Variants in PDSS1 observed in about 807,000 individuals in gnomAD.
PDSS1 encodes the protein decaprenyl diphosphate synthase subunit 1.
In PDSS1, 43 loss-of-function variants were observed where a neutral mutation model predicts 57.5. The observed-to-expected ratio is 0.75, with a 90% CI of 0.59 to 0.96. The LOEUF (loss-of-function observed/expected upper bound fraction) is 0.96, where lower values mean the gene tolerates loss of function less well. PDSS1 is among the 50% of genes least tolerant of loss of function. The pLI, the probability that PDSS1 is intolerant of heterozygous loss-of-function variation, is 0.00. For synonymous variants in PDSS1, 175 were observed against 191.3 expected, an observed-to-expected ratio of 0.91 and a Z score of 0.70; for missense variants, 438 against 527.8, an observed-to-expected ratio of 0.83 and a Z score of 1.67.
At chr10:26,734,298 C>T (rs1018116897) in intron 8 of PDSS1, among the ~76,000 whole-genome samples, 1 of 152,212 alleles carries the variant, frequency 6.6e-6, no homozygotes, top group Non-Finnish European at 1.5e-5. Context: ...CATCCGCGAG[C>T]CTTACAGAAA....
intron 5 of PDSS1, among the ~76,000 whole-genome samples, chr10:26,713,590 T>C (rs1410169053): frequency 3.9e-5 from 6 of 152,120 alleles, no homozygotes; most frequent in Non-Finnish European, 8.8e-5. Flanking sequence ...TTCTATGGCT[T>C]ACAGTTTATT....
chr10:26,734,169 C>T lies in PDSS1; in HGVS notation c.832-1071C>T, dbSNP rs561881974. On this transcript the variant is annotated intron_variant, in intron 8 of 11. Coordinates refer to ENST00000376215, the MANE Select transcript of PDSS1 (RefSeq NM_014317.5). ...GGTCTTGTAGAGGGCACAAATGCAGCCCCACAGTCTCACAGCAGAGCCCGC... is the reference window on the plus strand; with the variant it reads ...GGTCTTGTAGAGGGCACAAATGCAGTCCCACAGTCTCACAGCAGAGCCCGC... Among the ~76,000 whole-genome samples the T allele has an allele frequency of 2.6e-5, 4 of 152,328 alleles. No homozygotes were observed. In the South Asian group the frequency reaches 8.3e-4, roughly 32 times the overall value.
intron 8 of PDSS1, among the ~76,000 whole-genome samples, chr10:26,731,393 A>C (rs1050705267): frequency 2.6e-5 from 4 of 152,230 alleles, no homozygotes; most frequent in African/African-American, 9.6e-5. Flanking sequence ...CCTCTGTATC[A>C]GATCCCATTA....
intron 5 of PDSS1, chr10:26,715,701 C>A: frequency 6.6e-6 from 1 of 152,234 alleles, no homozygotes; most frequent in Non-Finnish European, 1.5e-5. Context: ...CTGGGCACTC[C>A]TACACTTTCC....
At chr10:26,735,855 T>G (rs766104505) in intron 10 of PDSS1, among the ~76,000 whole-genome samples, 10 of 152,308 alleles carry the variant, frequency 6.6e-5, no homozygotes, top group African/African-American at 9.6e-5. Flanking sequence ...TCTTTGTGTC[T>G]TGTGGTGTGC....
chr10:26,735,429 G>T (rs1836362487), intron 9 of PDSS1, 37 bp from the exon 10 acceptor site: 2 of 1,436,258 alleles, frequency 1.4e-6, no homozygotes, highest in Middle Eastern at 1.7e-4. Context: ...GTGTTGGCAT[G>T]GCGGTGCTCC....
intron 6 of PDSS1, among the ~76,000 whole-genome samples, chr10:26,723,149 A>C (rs1197422): frequency 6.6e-6 from 1 of 151,946 alleles, no homozygotes; most frequent in African/African-American, 2.4e-5. Context: ...TGGTCGCAGC[A>C]TGCATGGGTG....
chr10:26,723,167 C>T (rs11015250), intron 6 of PDSS1, among the ~76,000 whole-genome samples: 16,405 of 152,050 alleles, frequency 0.11, 1,013 homozygotes, highest in East Asian at 0.25. Context: ...GTGTTGTACA[C>T]GCACAAAAGG....
intron 10 of PDSS1, among the ~76,000 whole-genome samples, chr10:26,742,165 C>G (rs1378582312): frequency 6.6e-6 from 1 of 152,230 alleles, no homozygotes; most frequent in South Asian, 2.1e-4. Flanking sequence ...GCGTGTGCCA[C>G]CACGCCTGGC....
chr10:26,729,437 CAGAT>C (rs1836087860), intron 8 of PDSS1, among the ~76,000 whole-genome samples: 1 of 152,218 alleles, frequency 6.6e-6, no homozygotes, highest in Non-Finnish European at 1.5e-5. Context: ...AGGTATCAAA[CAGAT>C]AGTTCCAAAT....
chr10:26,703,596 T>C (rs1835112056), intron 2 of PDSS1, among the ~76,000 whole-genome samples: 1 of 152,066 alleles, frequency 6.6e-6, no homozygotes, highest in South Asian at 2.1e-4. Context: ...CTGAAAGACA[T>C]AGGTTGTCAT....
intron 5 of PDSS1, among the ~76,000 whole-genome samples, chr10:26,714,385 G>T (rs1835493586): frequency 6.6e-6 from 1 of 150,930 alleles, no homozygotes; most frequent in African/African-American, 2.4e-5. Context: ...TGGGGCAGGA[G>T]AATCGCTTGA....
Position 26,697,764 on chromosome 10 carries a change from C to T in PDSS1, c.53C>T (p.Ala18Val). 7.8e-7 allele frequency: 1 copy of T among 1,290,128 alleles called. No homozygotes were observed. The highest frequency in any genetic ancestry group is 1.5e-5 in the African/African-American group (1 of 64,628). The allele number at this position is 1,290,128 out of a possible 1,614,324, so 79.9% of individuals were successfully genotyped here. The change falls in exon 1 of 12, where the codon GCG becomes GTG. Residue 18 changes from alanine to valine, a missense_variant. Physicochemically the swap from Ala to Val is moderately conservative, Grantham distance 64. Around this residue, in one of 2 missense-constraint regions of PDSS1, gnomAD observed 154 missense variants for 137.0 expected, o/e 1.12. Transcript: ENST00000376215. Reference sequence around the variant, plus strand: ...CGCGGCTGCTCCTGGAAGCCGGCGGCGCGGAGCCCCGGGCCCGGCTCCCCC... The same window carrying T: ...CGCGGCTGCTCCTGGAAGCCGGCGGTGCGGAGCCCCGGGCCCGGCTCCCCC... ...WRRGCSWKPA[A>V]RSPGPGSPGR...
intron 4 of PDSS1, among the ~76,000 whole-genome samples, chr10:26,708,555 G>T (rs960036518): frequency 5.9e-5 from 9 of 152,156 alleles, no homozygotes; most frequent in African/African-American, 1.9e-4. Context: ...TCTCTCCCCA[G>T]TTCAGTTGTA....
chr10:26,728,923 C>T (rs753101175), intron 8 of PDSS1, among the ~76,000 whole-genome samples: 12 of 151,844 alleles, frequency 7.9e-5, no homozygotes, highest in African/African-American at 7.2e-5. Context: ...GGATTACATG[C>T]GGCTGCCACC....
chr10:26,737,738 A>G (rs1588705396), intron 10 of PDSS1, among the ~76,000 whole-genome samples: 2 of 120,294 alleles, frequency 1.7e-5, no homozygotes, highest in East Asian at 4.6e-4. Flanking sequence ...AAAAAAAAAA[A>G]AAAAAAAAAA....
chr10:26,734,536 G>T, intron 8 of PDSS1: 1 of 373,966 alleles, frequency 2.7e-6, no homozygotes, highest in East Asian at 7.2e-5. Flanking sequence ...ACTTTCAGAA[G>T]TCTTATTTCT....
Position 26,746,590 on chromosome 10 carries a change from A to AACTT in PDSS1, c.*119_*122dup, listed in dbSNP as rs1418913874. 29 of 1,123,754 alleles carry AACTT rather than the reference A, an allele frequency of 2.6e-5. No individual in the cohort carries two copies. Among genetic ancestry groups the AACTT allele is most frequent in the Admixed American group, 1.2e-4 (6 of 50,316 alleles). The allele number at this position is 1,123,754 out of a possible 1,614,324, so 69.6% of individuals were successfully genotyped here. On this transcript the variant is annotated 3_prime_UTR_variant, in exon 12 of 12. Coordinates refer to ENST00000376215, the MANE Select transcript of PDSS1 (RefSeq NM_014317.5). ...CCAAAAATCATTTTAAAAGATATCA[A>AACTT]ACTTATTGATGGGCAATTTATTTTT...
chr10:26,742,375 A>T, intron 10 of PDSS1, 122 bp from the exon 11 acceptor site: 1 of 755,350 alleles, frequency 1.3e-6, no homozygotes, highest in Non-Finnish European at 2.3e-6. Flanking sequence ...CATCATCTAG[A>T]CACTTAGTTT....
Sources: gnomAD v4.1 joint callset for allele counts (sites outside exome capture counted in the v4.1 genomes callset) on GRCh38, gnomAD v4.1.1 for gene constraint, gnomAD v4.1.1 regional missense constraint, MANE v1.5 for transcripts, NCBI Gene and HGNC (gene_info 2026-07-23, HGNC 2026-07-21) for gene names.